The following LAMA3 variants were observed in gnomAD, a reference collection of about 807,000 sequenced individuals.
The protein encoded by LAMA3 is laminin subunit alpha 3.
In LAMA3, 281 loss-of-function variants were observed where a neutral mutation model predicts 402.0. That is an observed-to-expected ratio of 0.70 (90% confidence interval 0.63 to 0.77). The LOEUF (loss-of-function observed/expected upper bound fraction) is 0.77. LAMA3 is among the 30% of genes least tolerant of loss of function. The pLI is 0.00. For synonymous variants in LAMA3, 1,431 were observed against 1,558.4 expected (o/e 0.92, Z 1.93); for missense variants, 3,840 against 4,215.5 (o/e 0.91, Z 2.47).
At chr18:23,783,361 T>TG (rs777692804) in intron 11 of LAMA3, among the ~76,000 whole-genome samples, 19 of 151,524 alleles carry the variant, frequency 1.3e-4, no homozygotes, top group Non-Finnish European at 2.2e-4. Context: ...AGGAGGAAAG[T>TG]GGGGGGGCCA....
At chr18:23,907,508 A>C in intron 52 of LAMA3, 42 bp from the exon 53 acceptor site, 1 of 1,392,758 alleles carries the variant, frequency 7.2e-7, no homozygotes, top group Non-Finnish European at 1.0e-6. Flanking sequence ...GAGGATCAAA[A>C]TGCACAAAGT....
At chr18:23,834,320 G>A (rs926288341) in intron 24 of LAMA3, 19 of 354,872 alleles carry the variant, frequency 5.4e-5, no homozygotes, top group Non-Finnish European at 7.1e-5. Flanking sequence ...CACCTCAAAG[G>A]CTGTGTCAAG....
rs1483606616 is a variant in LAMA3, at chr18:23,837,795, T to C, written c.3093+706T>C. On this transcript the variant is annotated intron_variant, in intron 25 of 74. Coordinates refer to ENST00000313654, the MANE Select transcript of LAMA3 (RefSeq NM_198129.4). ...TGAAGCAACTTCCTGTTACTGCTGA[T>C]ACTACGCATGCATCACACCCTGGGA... is the stretch of plus-strand genomic sequence containing the variant. Among the ~76,000 whole-genome samples, 4 of 152,072 alleles carry C rather than the reference T, an allele frequency of 2.6e-5. No individual in the cohort carries two copies. In the East Asian group the frequency reaches 7.7e-4, roughly 29 times the overall value.
At chr18:23,764,196 G>A (rs1317457481) in intron 8 of LAMA3, among the ~76,000 whole-genome samples, 1 of 151,940 alleles carries the variant, frequency 6.6e-6, no homozygotes, top group Non-Finnish European at 1.5e-5. Context: ...ATGAAACCAG[G>A]GCTACATACC....
At chr18:23,808,360 G>A (rs970206499) in intron 12 of LAMA3, among the ~76,000 whole-genome samples, 3 of 151,824 alleles carry the variant, frequency 2.0e-5, no homozygotes, top group Non-Finnish European at 4.4e-5. Flanking sequence ...TATTTTATTT[G>A]TATTATTTTT....
At position 23,855,611 on chromosome 18, in the gene LAMA3, A is replaced by C. The variant is rs140866904; in HGVS notation, c.4137-2233A>C. Among the ~76,000 whole-genome samples, 355 of 152,250 alleles carry C rather than the reference A, an allele frequency of 2.3e-3. 3 individuals are homozygous for C. The highest frequency in any genetic ancestry group is 7.9e-3 in the African/African-American group (330 of 41,560). ...GAGCCCTCTGATAAGAGAATGCAAA[A>C]TTGTGTGTATATGAGAATGAGTCTT... is the stretch of plus-strand genomic sequence containing the variant. On this transcript the variant is annotated intron_variant, in intron 32 of 74. Transcript: ENST00000313654.
intron 25 of LAMA3, among the ~76,000 whole-genome samples, chr18:23,837,794 A>T (rs2063617160): frequency 6.6e-6 from 1 of 151,920 alleles, no homozygotes; most frequent in Admixed American, 6.6e-5. Flanking sequence ...GTTACTGCTG[A>T]TACTACGCAT....
rs373857286 is a variant in LAMA3 at position 23,915,348 on chromosome 18, T to C, written c.7704T>C (p.Asn2568=). The stretch of plus-strand genomic sequence containing the variant: ...GTTGTATTGAATTAGATGACCTCAA[T>C]GAAAATGTTCTGAGCTTGTACAACT... ...YKGCIELDDL[N]ENVLSLYNFK... The change falls in exon 59 of 75, where the codon AAT becomes AAC. Residue 2568 remains asparagine (N), a synonymous_variant. Coordinates refer to ENST00000313654, the MANE Select transcript of LAMA3 (RefSeq NM_198129.4). The C allele has an allele frequency of 3.7e-6, 6 of 1,613,642 alleles. No homozygotes were observed. Among genetic ancestry groups the C allele is most frequent in the Non-Finnish European group, 5.1e-6 (6 of 1,179,544 alleles).
chr18:23,892,416 A>G (rs2080707168), intron 42 of LAMA3, among the ~76,000 whole-genome samples: 1 of 151,436 alleles, frequency 6.6e-6, no homozygotes, highest in South Asian at 2.1e-4. Context: ...CTAATAAGGG[A>G]CACATTCCTT....
chr18:23,927,001 A>G (rs1424561574), intron 62 of LAMA3, among the ~76,000 whole-genome samples: 2 of 152,226 alleles, frequency 1.3e-5, no homozygotes, highest in African/African-American at 4.8e-5. Flanking sequence ...ATGAGGAAAC[A>G]GGCACGGAGA....
At position 23,751,311 on chromosome 18, in the gene LAMA3, C is replaced by T. The variant is rs2061748278; in HGVS notation, c.855+223C>T. Among the ~76,000 whole-genome samples the T allele has an allele frequency of 4.6e-5, 7 of 152,052 alleles. No homozygotes were observed. The South Asian group carries it at 1.5e-3, about 32-fold the overall frequency. ...CATTATATTCAAAGAAGATGAAAGG[C>T]AAATGATTATAGTCAGCCTGGTACT... is the stretch of plus-strand genomic sequence containing the variant. On this transcript the variant is annotated intron_variant, in intron 5 of 74. Transcript: ENST00000313654.
chr18:23,777,657 T>C (rs771003802), intron 11 of LAMA3, 38 bp downstream of exon 11: 8 of 1,400,066 alleles, frequency 5.7e-6, no homozygotes, highest in Non-Finnish European at 8.1e-6. Flanking sequence ...CCAGTGAAAA[T>C]GTTATGCCCT....
intron 2 of LAMA3, among the ~76,000 whole-genome samples, chr18:23,745,674 C>T (rs1364641994): frequency 6.6e-6 from 1 of 152,204 alleles, no homozygotes; most frequent in Non-Finnish European, 1.5e-5. Flanking sequence ...GTTAATAAAA[C>T]TCCGCTTCTT....
At chr18:23,775,322 T>TG (rs915093863) in intron 9 of LAMA3, among the ~76,000 whole-genome samples, 7 of 152,352 alleles carry the variant, frequency 4.6e-5, no homozygotes, top group African/African-American at 1.7e-4. Context: ...TTATGGGTCT[T>TG]GGTCTGCTGT....
intron 1 of LAMA3, among the ~76,000 whole-genome samples, chr18:23,712,187 A>G (rs2061002802): frequency 6.6e-6 from 1 of 152,038 alleles, no homozygotes; most frequent in East Asian, 1.9e-4. Context: ...TCAAGACCAG[A>G]CTGACCAACA....
At chr18:23,920,220 G>A (rs1207743935) in intron 60 of LAMA3, among the ~76,000 whole-genome samples, 1 of 152,204 alleles carries the variant, frequency 6.6e-6, no homozygotes, top group Non-Finnish European at 1.5e-5. Context: ...TTGGCAGCCT[G>A]TAGGAGGCAT....
chr18:23,723,873 AT>A (rs1032201240), intron 2 of LAMA3, among the ~76,000 whole-genome samples: 73 of 152,050 alleles, frequency 4.8e-4, no homozygotes, highest in African/African-American at 1.6e-3. Flanking sequence ...TACTATCTGT[AT>A]TTTTTTTAAA....
intron 1 of LAMA3, among the ~76,000 whole-genome samples, chr18:23,697,296 C>T (rs1169924287): frequency 1.3e-5 from 2 of 152,218 alleles, no homozygotes; most frequent in African/African-American, 4.8e-5. Flanking sequence ...CTTGGGAGGC[C>T]TCATGGGGGA....
At chr18:23,714,519 C>T (rs2061059376) in intron 2 of LAMA3, among the ~76,000 whole-genome samples, 1 of 152,026 alleles carries the variant, frequency 6.6e-6, no homozygotes, top group Non-Finnish European at 1.5e-5. Context: ...GACTCCATCT[C>T]AAAACGAAAA....
Sources: allele counts gnomAD v4.1 joint callset (sites outside exome capture counted in the v4.1 genomes callset), GRCh38; gene constraint gnomAD v4.1.1; transcripts MANE v1.5; gene names NCBI Gene and HGNC (gene_info 2026-07-23, HGNC 2026-07-21).